Variants in IMPA2 observed in about 807,000 individuals in gnomAD.
IMPA2 encodes the protein inositol monophosphatase 2.
Under a neutral mutation model 35.1 loss-of-function variants are expected in IMPA2, and 32 were observed. The ratio of observed to expected loss-of-function variants is 0.91; its 90% CI spans 0.69 to 1.23. The LOEUF (loss-of-function observed/expected upper bound fraction) is 1.23, where lower values mean the gene tolerates loss of function less well. Ranked by LOEUF, IMPA2 falls within the 50% of genes most tolerant of loss-of-function variation. The pLI, the probability that IMPA2 is intolerant of heterozygous loss-of-function variation, is 0.00. For missense variants in IMPA2, 334 were observed against 387.6 expected (o/e 0.86, Z 1.16); for synonymous variants, 135 against 160.6 (o/e 0.84, Z 1.20).
intron 1 of IMPA2, among the ~76,000 whole-genome samples, chr18:11,993,349 A>G (rs1008529439): frequency 6.6e-6 from 1 of 152,244 alleles, no homozygotes; most frequent in Non-Finnish European, 1.5e-5. Context: ...ATCTTCATGA[A>G]GAGCTACAGG....
At chr18:12,019,831 A>T (rs1156567741) in intron 5 of IMPA2, among the ~76,000 whole-genome samples, 1 of 152,114 alleles carries the variant, frequency 6.6e-6, no homozygotes, top group Non-Finnish European at 1.5e-5. Flanking sequence ...GAAGTGTTGG[A>T]AAGTTGTCAG....
intron 1 of IMPA2, among the ~76,000 whole-genome samples, chr18:11,988,001 CTTTTTTTTTT>C (rs71172043): frequency 1.8e-4 from 18 of 101,862 alleles, no homozygotes; most frequent in South Asian, 7.4e-4. Context: ...TGTTTATTGG[CTTTTTTTTTT>C]TTTTTTTTTT....
chr18:12,028,426 C>T, intron 6 of IMPA2: 1 of 485,562 alleles, frequency 2.1e-6, no homozygotes, highest in Non-Finnish European at 3.7e-6. Flanking sequence ...GGTGCAAATA[C>T]TTACAGTCCT....
In IMPA2 at chr18:12,010,331, G is replaced by C; in HGVS notation, c.335+344G>C. On this transcript the variant is annotated intron_variant, in intron 3 of 7. Coordinates refer to ENST00000269159, the MANE Select transcript of IMPA2 (RefSeq NM_014214.3). This position sits in a 1 kb window ranked among gnomAD's most constrained non-coding sequence, Gnocchi z 4.8. Reference sequence around the variant, plus strand: ...AAGGTGAGGTTGGGATACAAAGCCTGTGCTGCCCCACAGTGGCCCGGAGCC... The same window carrying C: ...AAGGTGAGGTTGGGATACAAAGCCTCTGCTGCCCCACAGTGGCCCGGAGCC... 1 of 225,202 alleles carries C rather than the reference G, an allele frequency of 4.4e-6. No homozygotes were observed. Among genetic ancestry groups the C allele is most frequent in the Non-Finnish European group, 8.8e-6 (1 of 113,406 alleles). 14.0% of individuals were successfully genotyped at this position (225,202 alleles called of 1,614,324 possible).
intron 2 of IMPA2, among the ~76,000 whole-genome samples, chr18:12,006,906 C>T (rs1396425666): frequency 5.9e-5 from 9 of 151,928 alleles, no homozygotes; most frequent in Non-Finnish European, 2.9e-5. Flanking sequence ...CTGAGGTGGG[C>T]GTATCACGAG....
chr18:11,985,724 C>T (rs1400209976), intron 1 of IMPA2, among the ~76,000 whole-genome samples: 1 of 152,134 alleles, frequency 6.6e-6, no homozygotes, highest in Non-Finnish European at 1.5e-5. Context: ...CCAGGTGGGT[C>T]GGCGTGATGG....
chr18:12,004,237 T>C (rs1302194391), intron 2 of IMPA2, among the ~76,000 whole-genome samples: 1 of 151,906 alleles, frequency 6.6e-6, no homozygotes. Context: ...GATCCTGACC[T>C]TCTTGTCACA....
chr18:11,999,801 T>A (rs1907067273), intron 2 of IMPA2, among the ~76,000 whole-genome samples: 1 of 152,256 alleles, frequency 6.6e-6, no homozygotes, highest in Non-Finnish European at 1.5e-5. Context: ...TGATGCTAGC[T>A]ATTAATCTTT....
chr18:12,014,191 T>C (rs1466936437), intron 4 of IMPA2, 74 bp from the exon 5 acceptor site: 5 of 1,043,214 alleles, frequency 4.8e-6, no homozygotes, highest in Non-Finnish European at 7.5e-6. Context: ...CCTTCATCTT[T>C]GAATAACAAT....
chr18:12,027,339 G>A (rs1394858655), intron 5 of IMPA2, among the ~76,000 whole-genome samples: 1 of 152,180 alleles, frequency 6.6e-6, no homozygotes, highest in East Asian at 1.9e-4. Flanking sequence ...TACATAAACG[G>A]CAGGCCATGA....
chr18:12,006,946 A>G lies in IMPA2; in HGVS notation c.231-2937A>G, dbSNP rs535308338. 6.6e-5 allele frequency among the ~76,000 whole-genome samples: 10 copies of G among 152,290 alleles called. No homozygotes were observed. In the East Asian group the frequency reaches 1.2e-3, roughly 18 times the overall value. On this transcript the variant is annotated intron_variant, in intron 2 of 7. Transcript: ENST00000269159. ...GGAGTTCAAGACCAGCCCGGCCAGC[A>G]TGGTGAAACCCCATCTCTACTAAAG...
At chr18:11,985,489 T>C (rs1039638075) in intron 1 of IMPA2, among the ~76,000 whole-genome samples, 2 of 152,234 alleles carry the variant, frequency 1.3e-5, no homozygotes, top group African/African-American at 4.8e-5. Flanking sequence ...GCTTCAAACT[T>C]GTTACTGGTA....
At chr18:12,027,907 C>A in intron 5 of IMPA2, 136 bp from the exon 6 acceptor site, 1 of 612,670 alleles carries the variant, frequency 1.6e-6, no homozygotes, top group Non-Finnish European at 2.9e-6. Context: ...ACATAGATAT[C>A]AAAAAAGCAT....
At chr18:11,986,055 G>A (rs1449071721) in intron 1 of IMPA2, among the ~76,000 whole-genome samples, 1 of 152,176 alleles carries the variant, frequency 6.6e-6, no homozygotes. Flanking sequence ...AGCGTCATTA[G>A]CTTCACAGGA....
At chr18:12,025,891 T>C (rs1907869129) in intron 5 of IMPA2, among the ~76,000 whole-genome samples, 1 of 152,084 alleles carries the variant, frequency 6.6e-6, no homozygotes, top group African/African-American at 2.4e-5. Context: ...TAATCTGCAT[T>C]TCCCTGAGGA....
intron 4 of IMPA2, among the ~76,000 whole-genome samples, chr18:12,013,091 G>A (rs539392188): frequency 3.7e-4 from 57 of 152,344 alleles, no homozygotes; most frequent in African/African-American, 1.3e-3. Context: ...TTCAGGGGTT[G>A]ATTGATGTTC....
At chr18:12,028,695 T>C (rs1420426737) in intron 6 of IMPA2, 147 bp from the exon 7 acceptor site, 3 of 942,894 alleles carry the variant, frequency 3.2e-6, no homozygotes, top group Non-Finnish European at 4.8e-6. Flanking sequence ...AGGCCCTATA[T>C]TCAGCCTCCA....
chr18:12,023,983 ACTTGTGTTCAT>A (rs2143823134), intron 5 of IMPA2, among the ~76,000 whole-genome samples: 1 of 152,324 alleles, frequency 6.6e-6, no homozygotes, highest in Admixed American at 6.5e-5. Flanking sequence ...CAGAAATCCC[ACTTGTGTTCAT>A]CTATCTCGAA....
chr18:12,028,049 C>T lies in IMPA2; in HGVS notation c.497C>T (p.Ser166Leu). The change falls in exon 6 of 8, where the codon TCA becomes TTA. Residue 166 changes from serine to leucine, a missense_variant. By Grantham distance (145) the Ser-to-Leu change is moderately radical. Transcript: ENST00000269159. ...GAAATTCTTTTTATTGCAGATCTCT[C>T]AAAGGCCTTGGTTCTGACAGAAATT... ...RLRVSGETDL[S>L]KALVLTEIGP... The T allele has an allele frequency of 1.2e-6, 2 of 1,611,674 alleles. No homozygotes were observed. Among genetic ancestry groups the T allele is most frequent in the Non-Finnish European group, 1.7e-6 (2 of 1,177,772 alleles).
Sources: allele counts gnomAD v4.1 joint callset (sites outside exome capture counted in the v4.1 genomes callset), GRCh38; gene constraint gnomAD v4.1.1; non-coding constraint Gnocchi (gnomAD v3.1); transcripts MANE v1.5; gene names NCBI Gene and HGNC (gene_info 2026-07-23, HGNC 2026-07-21).